The following DIS3L2 variants were observed in gnomAD, a reference collection of about 807,000 sequenced individuals.
DIS3L2 encodes DIS3 like 3'-5' exoribonuclease 2.
In DIS3L2, 34 loss-of-function variants were observed where a neutral mutation model predicts 97.5. That is an observed-to-expected ratio of 0.35 (90% CI 0.27 to 0.46). DIS3L2 has a LOEUF of 0.46. Among genes scored for constraint, DIS3L2 ranks in the 20% least tolerant of loss-of-function variants. The pLI, the probability that DIS3L2 is intolerant of heterozygous loss-of-function variation, is 1.00. For missense variants in DIS3L2, 1,038 were observed against 1,146.0 expected (o/e 0.91, Z 1.36); for synonymous variants, 435 against 445.2 (o/e 0.98, Z 0.29).
chr2:232,051,412 G>T (rs1026891263), intron 5 of DIS3L2, among the ~76,000 whole-genome samples: 3 of 152,256 alleles, frequency 2.0e-5, no homozygotes, highest in Non-Finnish European at 4.4e-5. Flanking sequence ...TCAGAAAAAG[G>T]ATAGGATTGT....
At chr2:231,972,134 G>A (rs942623007) in intron 1 of DIS3L2, among the ~76,000 whole-genome samples, 1 of 151,614 alleles carries the variant, frequency 6.6e-6, no homozygotes, top group Admixed American at 6.6e-5. Context: ...GCAGTGAGCC[G>A]AGATCGCGCC....
chr2:232,088,492 G>A (rs187341078), intron 6 of DIS3L2, among the ~76,000 whole-genome samples: 2,189 of 151,632 alleles, frequency 0.014, 35 homozygotes, highest in East Asian at 0.034. Context: ...AACCTGGGTG[G>A]TGGAGCTTGC....
rs188316610 is a variant in DIS3L2, at chr2:232,139,389, G to T, written c.950+2670G>T. Among the ~76,000 whole-genome samples, 39 of 152,312 alleles carry T rather than the reference G, an allele frequency of 2.6e-4. No individual in the cohort carries two copies. In the East Asian group the frequency reaches 6.4e-3, roughly 25 times the overall value. On this transcript the variant is annotated intron_variant, in intron 8 of 20. Transcript: ENST00000325385. ...AAATGGCACTGCCAGTCCTATGGCA[G>T]TTACATACTAAAGTCTAGATCATAA...
At chr2:232,111,298 A>C (rs1472900362) in intron 6 of DIS3L2, 2 of 470,436 alleles carry the variant, frequency 4.3e-6, no homozygotes, top group Non-Finnish European at 4.4e-6. Flanking sequence ...TATTAGTAGC[A>C]GCCAATTTCT....
At chr2:231,979,750 G>C (rs185971350) in intron 1 of DIS3L2, among the ~76,000 whole-genome samples, 3 of 152,112 alleles carry the variant, frequency 2.0e-5, no homozygotes, top group Non-Finnish European at 4.4e-5. Flanking sequence ...GCTACTTTTT[G>C]TATTTTTAGA....
chr2:232,220,125 AAAT>A (rs1476638036), intron 10 of DIS3L2, among the ~76,000 whole-genome samples: 1 of 106,276 alleles, frequency 9.4e-6, no homozygotes, highest in African/African-American at 3.0e-5. Context: ...ATAAATAAAT[AAAT>A]AAATAAATAA....
At chr2:232,141,532 C>T (rs1024952553) in intron 8 of DIS3L2, among the ~76,000 whole-genome samples, 2 of 152,014 alleles carry the variant, frequency 1.3e-5, no homozygotes, top group Non-Finnish European at 2.9e-5. Context: ...CTTGGTTGAA[C>T]ATGGGATTGC....
At chr2:232,071,005 C>G (rs1004745208) in intron 5 of DIS3L2, among the ~76,000 whole-genome samples, 3 of 152,154 alleles carry the variant, frequency 2.0e-5, no homozygotes, top group African/African-American at 7.2e-5. Flanking sequence ...TAGCCTGACC[C>G]TTAGATCTCT....
intron 1 of DIS3L2, among the ~76,000 whole-genome samples, chr2:231,986,006 G>A (rs2106184756): frequency 6.6e-6 from 1 of 152,320 alleles, no homozygotes; most frequent in African/African-American, 2.4e-5. Flanking sequence ...GAGTCGTCTG[G>A]CTTTTATTTT....
chr2:232,014,895 G>T lies in DIS3L2; in HGVS notation c.-33G>T. The T allele has an allele frequency of 2.5e-6, 4 of 1,612,882 alleles. No individual in the cohort carries two copies. The highest frequency in any genetic ancestry group is 3.4e-6 in the Non-Finnish European group (4 of 1,179,334). ...GAGCTAAGCAGTGGAGGTTTCTCTG[G>T]ATCTGGAGAGAAGAGTGACCTTGGA... On this transcript the variant is annotated 5_prime_UTR_variant, in exon 2 of 21. Coordinates refer to ENST00000325385, the MANE Select transcript of DIS3L2 (RefSeq NM_152383.5).
intron 1 of DIS3L2, among the ~76,000 whole-genome samples, chr2:231,996,667 T>G (rs1421139621): frequency 6.6e-6 from 1 of 152,232 alleles, no homozygotes; most frequent in Non-Finnish European, 1.5e-5. Flanking sequence ...AAAGAAATCC[T>G]GACATCATTT....
chr2:232,259,091 C>T (rs947565216), intron 12 of DIS3L2, among the ~76,000 whole-genome samples: 3 of 152,140 alleles, frequency 2.0e-5, no homozygotes, highest in Non-Finnish European at 4.4e-5. Flanking sequence ...AAGCTTCTAC[C>T]TCAGCCCTTC....
chr2:232,308,185 C>T (rs1575008631), intron 14 of DIS3L2, among the ~76,000 whole-genome samples: 1 of 152,188 alleles, frequency 6.6e-6, no homozygotes, highest in African/African-American at 2.4e-5. Context: ...ATAAAGACCT[C>T]GTAGTTTTGG....
At chr2:232,015,113 G>A (rs747590766) in intron 2 of DIS3L2, 134 bp downstream of exon 2, 21 of 829,366 alleles carry the variant, frequency 2.5e-5, no homozygotes, top group African/African-American at 7.0e-5. Flanking sequence ...AGTATTCTGT[G>A]TGATTTATTC....
At chr2:232,330,134 G>A (rs1695694219) in intron 15 of DIS3L2, 138 bp downstream of exon 15, 2 of 1,103,324 alleles carry the variant, frequency 1.8e-6, no homozygotes, top group Non-Finnish European at 2.5e-6. Context: ...TAGGGAAGGA[G>A]GCCCTGGGAG....
chr2:232,241,995 G>A (rs1165982912), intron 11 of DIS3L2, among the ~76,000 whole-genome samples: 2 of 152,156 alleles, frequency 1.3e-5, no homozygotes, highest in African/African-American at 4.8e-5. Context: ...ATCAAAGATT[G>A]GGATTGGAAG....
intron 5 of DIS3L2, among the ~76,000 whole-genome samples, chr2:232,057,207 G>T (rs1027187276): frequency 6.6e-6 from 1 of 152,084 alleles, no homozygotes; most frequent in African/African-American, 2.4e-5. Context: ...TGTCTTTGAA[G>T]GGGCAATAAT....
chr2:232,294,294 AGAATGGG>A (rs764971049), intron 13 of DIS3L2, among the ~76,000 whole-genome samples: 11 of 152,196 alleles, frequency 7.2e-5, no homozygotes, highest in Non-Finnish European at 1.5e-4. Flanking sequence ...CGGACCCCCT[AGAATGGG>A]GAGCAGGACA....
In DIS3L2 at chr2:231,981,410, G is replaced by A. The variant is rs1693251447; in HGVS notation, c.-94+19645G>A. Among the ~76,000 whole-genome samples, 3 of 151,176 alleles carry A rather than the reference G, an allele frequency of 2.0e-5. No individual in the cohort carries two copies. In the South Asian group the frequency reaches 6.3e-4, roughly 32 times the overall value. ...TATCAATAATATAATTTGTGAGTAT[G>A]TCATTTTAGATGTTCTAGATAGTCA... On this transcript the variant is annotated intron_variant, in intron 1 of 20. Coordinates refer to ENST00000325385, the MANE Select transcript of DIS3L2 (RefSeq NM_152383.5).
Sources: allele counts gnomAD v4.1 joint callset (sites outside exome capture counted in the v4.1 genomes callset), GRCh38; gene constraint gnomAD v4.1.1; transcripts MANE v1.5; gene names NCBI Gene and HGNC (gene_info 2026-07-23, HGNC 2026-07-21).